SLC27A1: variants seen among roughly 807,000 people sequenced by gnomAD.
SLC27A1 encodes long-chain fatty acid transport protein 1.
Under a neutral mutation model 62.2 loss-of-function variants are expected in SLC27A1, and 61 were observed. The ratio of observed to expected loss-of-function variants is 0.98; its 90% CI spans 0.80 to 1.21. The LOEUF (loss-of-function observed/expected upper bound fraction) is 1.21. Ranked by LOEUF, SLC27A1 falls within the 50% of genes most tolerant of loss-of-function variation. The pLI is 0.00. For synonymous variants in SLC27A1, 435 were observed against 408.6 expected (o/e 1.06, Z -0.78); for missense variants, 903 against 932.1 (o/e 0.97, Z 0.41).
At chr19:17,475,668 GC>G (rs1429871713) in intron 1 of SLC27A1, among the ~76,000 whole-genome samples, 1 of 152,230 alleles carries the variant, frequency 6.6e-6, no homozygotes, top group African/African-American at 2.4e-5. Flanking sequence ...TAGCCACTGT[GC>G]CGCACTGGAG....
chr19:17,488,856 G>A lies in SLC27A1; in HGVS notation c.803G>A (p.Arg268His), dbSNP rs1370374808. ...TCCCCCTCCCCCTGCAGGTACTACC[G>A]CATGGCAGCCTTCGGCCACCACGCC... ...AAIVVHSRYY[R>H]MAAFGHHAYR... The change falls in exon 5 of 12, where the codon CGC becomes CAC. Residue 268 changes from arginine to histidine, a missense_variant. By Grantham distance (29) the Arg-to-His change is conservative. Transcript: ENST00000252595. 3 of 1,613,532 alleles carry A rather than the reference G, an allele frequency of 1.9e-6. No homozygotes were observed. The highest frequency in any genetic ancestry group is 1.7e-6 in the Non-Finnish European group (2 of 1,179,908).
intron 1 of SLC27A1, among the ~76,000 whole-genome samples, chr19:17,483,386 A>G (rs1028636055): frequency 2.0e-5 from 3 of 151,968 alleles, no homozygotes; most frequent in Non-Finnish European, 4.4e-5. Flanking sequence ...GAGGGAGGCA[A>G]TGAGGCTGCT....
chr19:17,487,222 G>A lies in SLC27A1; in HGVS notation c.611G>A (p.Cys204Tyr). 6.2e-7 allele frequency: 1 copy of A among 1,614,114 alleles called. No individual in the cohort carries two copies. The highest frequency in any genetic ancestry group is 8.5e-7 in the Non-Finnish European group (1 of 1,179,996). Residue 204 changes from cysteine (C) to tyrosine (Y), a missense_variant, in exon 3 of 12, where the codon TGC (cysteine) becomes TAC (tyrosine). Coordinates refer to ENST00000252595, the MANE Select transcript of SLC27A1 (RefSeq NM_198580.3). Reference sequence around the variant, plus strand: ...CTGGGGAAAAGTTTGATCAAGTTCTGCTCTGGAGACTTGGGGCCCGAGGGC... The same window carrying A: ...CTGGGGAAAAGTTTGATCAAGTTCTACTCTGGAGACTTGGGGCCCGAGGGC... ...GHLGKSLIKF[C>Y]SGDLGPEGIL...
In SLC27A1 at chr19:17,486,022, T is replaced by C; in HGVS notation, c.168-541T>C. Among the ~76,000 whole-genome samples the C allele has an allele frequency of 6.6e-6, 1 of 152,038 alleles. No individual in the cohort carries two copies. The highest frequency in any genetic ancestry group is 2.4e-5 in the African/African-American group (1 of 41,404). ...TCCATCTGGGCTTGGCATTGGTCCT[T>C]ACACCCCCCATCCACTGGCACATCT... On this transcript the variant is annotated intron_variant, in intron 1 of 11. Coordinates refer to ENST00000252595, the MANE Select transcript of SLC27A1 (RefSeq NM_198580.3). This position sits in a 1 kb window ranked among gnomAD's most constrained non-coding sequence, Gnocchi z 6.6.
rs753574636 is a variant in SLC27A1, at chr19:17,486,689, C to G, written c.294C>G (p.Ala98=). The change falls in exon 2 of 12, where the codon GCC becomes GCG. Residue 98 remains alanine, a synonymous_variant. Coordinates refer to ENST00000252595, the MANE Select transcript of SLC27A1 (RefSeq NM_198580.3). This position sits in a 1 kb window ranked among gnomAD's most constrained non-coding sequence, Gnocchi z 6.6. ...RQPERLALVD[A]GTGECWTFAQ... is the part of the protein sequence containing the mutation. ...CCGAGCGCCTGGCGCTGGTGGATGC[C>G]GGGACCGGCGAGTGCTGGACCTTTG... 1.2e-6 allele frequency: 2 copies of G among 1,611,196 alleles called. No homozygotes were observed. The highest frequency in any genetic ancestry group is 8.5e-7 in the Non-Finnish European group (1 of 1,179,600).
In SLC27A1 at chr19:17,505,137, G is replaced by A. The variant is rs137968411; in HGVS notation, c.*525G>A. The A allele has an allele frequency of 2.0e-4, 67 of 338,994 alleles. No individual in the cohort carries two copies. In the East Asian group the frequency reaches 4.6e-3, roughly 23 times the overall value. 21.0% of individuals were successfully genotyped at this position (338,994 alleles called of 1,614,324 possible). ...TTGAACTCCTGACCTCAGGTGATCC[G>A]CTGGCCTCGGCCTCCCAGAGTGCTG... On this transcript the variant is annotated 3_prime_UTR_variant, in exon 12 of 12. Coordinates refer to ENST00000252595, the MANE Select transcript of SLC27A1 (RefSeq NM_198580.3).
At chr19:17,488,373 TAAC>T (rs999588240) in intron 4 of SLC27A1, among the ~76,000 whole-genome samples, 14 of 151,944 alleles carry the variant, frequency 9.2e-5, no homozygotes, top group African/African-American at 3.4e-4. Flanking sequence ...AAGAAACAAA[TAAC>T]AAACAAAAAC....
chr19:17,486,507 A>G lies in SLC27A1; in HGVS notation c.168-56A>G, dbSNP rs2075230571. ...CTCCAGCGGGGAGGCTGAGGCTCCCAGAGGCCAGGCGGGGCAGGGCACCAG... is the reference window on the plus strand; with the variant it reads ...CTCCAGCGGGGAGGCTGAGGCTCCCGGAGGCCAGGCGGGGCAGGGCACCAG... On this transcript the variant is annotated intron_variant, in intron 1 of 11. Transcript: ENST00000252595. The surrounding 1 kb of genome is among the most constrained non-coding windows in gnomAD (Gnocchi z 6.6). The G allele has an allele frequency of 1.3e-6, 2 of 1,502,090 alleles. No homozygotes were observed. Among genetic ancestry groups the G allele is most frequent in the Non-Finnish European group, 1.8e-6 (2 of 1,127,754 alleles). The allele number at this position is 1,502,090 out of a possible 1,614,324, so 93.0% of individuals were successfully genotyped here.
At chr19:17,479,771 G>A (rs2075158038) in intron 1 of SLC27A1, among the ~76,000 whole-genome samples, 2 of 151,970 alleles carry the variant, frequency 1.3e-5, no homozygotes, top group African/African-American at 4.8e-5. Flanking sequence ...ACACTTTTGA[G>A]TAGCCGGGAT....
Position 17,470,564 on chromosome 19 carries a change from G to T in SLC27A1, c.24G>T (p.Ala8=). The T allele has an allele frequency of 6.4e-7, 1 of 1,565,724 alleles. No homozygotes were observed. Among genetic ancestry groups the T allele is most frequent in the Non-Finnish European group, 8.6e-7 (1 of 1,164,942 alleles). ...GGATGCGGGCTCCGGGTGCGGGCGC[G>T]GCCTCGGTGGTCTCGCTGGCGCTGT... is the stretch of plus-strand genomic sequence containing the variant. MRAPGAG[A]ASVVSLALLW... The change falls in exon 1 of 12, where the codon GCG becomes GCT. Residue 8 remains alanine, a synonymous_variant. Coordinates refer to ENST00000252595, the MANE Select transcript of SLC27A1 (RefSeq NM_198580.3).
chr19:17,502,358 T>G (rs1227080073), intron 11 of SLC27A1, among the ~76,000 whole-genome samples: 12 of 100,820 alleles, frequency 1.2e-4, no homozygotes, highest in South Asian at 9.9e-4. Context: ...TTTTTTTTTT[T>G]TTTTTTTTTT....
intron 1 of SLC27A1, among the ~76,000 whole-genome samples, chr19:17,484,855 G>A (rs561767625): frequency 2.0e-5 from 3 of 152,226 alleles, no homozygotes; most frequent in African/African-American, 7.2e-5. Context: ...GGAAAGGCAG[G>A]GGAGATCCAA....
At chr19:17,484,805 G>C (rs750920201) in intron 1 of SLC27A1, among the ~76,000 whole-genome samples, 22 of 152,188 alleles carry the variant, frequency 1.4e-4, no homozygotes, top group Non-Finnish European at 2.9e-5. Context: ...GAACATTTTG[G>C]GGGGTGTGAG....
At chr19:17,471,855 C>T (rs2075079757) in intron 1 of SLC27A1, among the ~76,000 whole-genome samples, 1 of 152,140 alleles carries the variant, frequency 6.6e-6, no homozygotes, top group African/African-American at 2.4e-5. Context: ...CATGGCCAGC[C>T]CATCCTTGGC....
Position 17,504,476 on chromosome 19 carries a change from C to G in SLC27A1, c.1805C>G (p.Thr602Arg), listed in dbSNP as rs373170683. The part of the protein sequence containing the change: ...DTTGTFKIQK[T>R]RLQREGFDPR... Reference sequence around the variant, plus strand: ...ATAGGCACCTTCAAGATCCAGAAGACGAGGCTGCAGCGAGAGGGCTTTGAC... The same window carrying G: ...ATAGGCACCTTCAAGATCCAGAAGAGGAGGCTGCAGCGAGAGGGCTTTGAC... The change falls in exon 12 of 12, where the codon ACG (threonine) becomes AGG (arginine). Residue 602 changes from threonine to arginine, a missense_variant. By Grantham distance (71) the Thr-to-Arg change is moderately conservative. Transcript: ENST00000252595. 27 of 1,614,150 alleles carry G rather than the reference C, an allele frequency of 1.7e-5. No individual in the cohort carries two copies. Among genetic ancestry groups the G allele is most frequent in the Non-Finnish European group, 2.3e-5 (27 of 1,180,024 alleles).
intron 1 of SLC27A1, among the ~76,000 whole-genome samples, chr19:17,476,883 G>GTTTTTT (rs71162144): frequency 5.3e-5 from 7 of 131,856 alleles, no homozygotes; most frequent in Admixed American, 8.7e-5. Context: ...ATGATCATCT[G>GTTTTTT]TTTTTTTTTT....
In SLC27A1 at chr19:17,470,552, G is replaced by T; in HGVS notation, c.12G>T (p.Pro4=). Residue 4 remains proline (P), a synonymous_variant, in exon 1 of 12, where the codon CCG becomes CCT. Coordinates refer to ENST00000252595, the MANE Select transcript of SLC27A1 (RefSeq NM_198580.3). ...TCTGCTTCCCCAGGATGCGGGCTCCGGGTGCGGGCGCGGCCTCGGTGGTCT... is the reference window on the plus strand; with the variant it reads ...TCTGCTTCCCCAGGATGCGGGCTCCTGGTGCGGGCGCGGCCTCGGTGGTCT... MRA[P]GAGAASVVSL... The T allele has an allele frequency of 2.6e-6, 4 of 1,560,250 alleles. No homozygotes were observed. The highest frequency in any genetic ancestry group is 3.4e-6 in the Non-Finnish European group (4 of 1,162,340).
intron 1 of SLC27A1, among the ~76,000 whole-genome samples, chr19:17,472,789 A>C (rs2075089276): frequency 6.6e-6 from 1 of 151,938 alleles, no homozygotes; most frequent in Non-Finnish European, 1.5e-5. Context: ...GGCCTCCTAA[A>C]GTGCTGGGAT....
intron 7 of SLC27A1, chr19:17,499,807 T>G (rs1651583930): frequency 6.2e-6 from 1 of 160,878 alleles, no homozygotes; most frequent in South Asian, 1.7e-4. Flanking sequence ...AGTAAGACTC[T>G]ATAAAAAAAG....
Sources: allele counts gnomAD v4.1 joint callset (sites outside exome capture counted in the v4.1 genomes callset), GRCh38; gene constraint gnomAD v4.1.1; non-coding constraint Gnocchi (gnomAD v3.1); transcripts MANE v1.5; gene names NCBI Gene and HGNC (gene_info 2026-07-23, HGNC 2026-07-21).